The following SNTG2 variants were observed in gnomAD, a reference collection of about 807,000 sequenced individuals.
SNTG2 encodes the protein syntrophin gamma 2.
Under a neutral mutation model 70.9 loss-of-function variants are expected in SNTG2, and 74 were observed. That is an observed-to-expected ratio of 1.04 (90% CI 0.86 to 1.27). SNTG2 has a LOEUF of 1.27. Ranked by LOEUF, SNTG2 falls within the 50% of genes most tolerant of loss-of-function variation. The probability of loss-of-function intolerance (pLI) is 0.00; values close to 1 mark genes in which losing one functional copy is unlikely to be tolerated. For missense variants in SNTG2, 717 were observed against 690.7 expected, an observed-to-expected ratio of 1.04 and a Z score of -0.43; for synonymous variants, 278 against 273.8, an observed-to-expected ratio of 1.02 and a Z score of -0.15.
chr2:964,739 C>T lies in SNTG2; in HGVS notation c.72+13671C>T, dbSNP rs1248491533. On this transcript the variant is annotated intron_variant, in intron 1 of 16. Transcript: ENST00000308624. ...GAGGCTGTTCCTGAGAGGCTGAGCCCTGGGCACTCTGCCACAGCGGGTCCC... is the reference window on the plus strand; with the variant it reads ...GAGGCTGTTCCTGAGAGGCTGAGCCTTGGGCACTCTGCCACAGCGGGTCCC... Among the ~76,000 whole-genome samples the T allele has an allele frequency of 3.3e-5, 5 of 152,182 alleles. No homozygotes were observed. In the East Asian group the frequency reaches 7.7e-4, roughly 23 times the overall value.
chr2:1,098,311 A>C, intron 3 of SNTG2, 42 bp from the exon 4 acceptor site: 1 of 1,613,828 alleles, frequency 6.2e-7, no homozygotes, highest in Non-Finnish European at 8.5e-7. Context: ...TCCAGTGTGA[A>C]TCATGATAAC....
chr2:1,226,080 TG>T (rs1675757095), intron 9 of SNTG2, among the ~76,000 whole-genome samples: 1 of 152,138 alleles, frequency 6.6e-6, no homozygotes, highest in Admixed American at 6.5e-5. Context: ...CTTTCAAAAA[TG>T]CATTAAAGTT....
chr2:1,150,533 C>T (rs1343289936), intron 6 of SNTG2, among the ~76,000 whole-genome samples: 1 of 151,896 alleles, frequency 6.6e-6, no homozygotes, highest in Non-Finnish European at 1.5e-5. Context: ...GATGTATGGC[C>T]AGGAGGACAG....
intron 14 of SNTG2, among the ~76,000 whole-genome samples, chr2:1,301,177 T>G (rs1473690704): frequency 6.6e-6 from 1 of 152,068 alleles, no homozygotes; most frequent in Non-Finnish European, 1.5e-5. Context: ...CAAGGTGACA[T>G]GCATGGAGCT....
intron 7 of SNTG2, among the ~76,000 whole-genome samples, chr2:1,166,465 C>T (rs1670713332): frequency 6.6e-6 from 1 of 152,226 alleles, no homozygotes; most frequent in Non-Finnish European, 1.5e-5. Flanking sequence ...GACTGTTTTA[C>T]TTTCTCTCTC....
At chr2:1,004,602 G>T (rs141794816) in intron 1 of SNTG2, among the ~76,000 whole-genome samples, 1 of 152,154 alleles carries the variant, frequency 6.6e-6, no homozygotes, top group South Asian at 2.1e-4. Context: ...AATTACAGCC[G>T]CAATGAGACA....
At chr2:1,210,816 A>C (rs1673991203) in intron 9 of SNTG2, 1 of 152,192 alleles carries the variant, frequency 6.6e-6, no homozygotes, top group South Asian at 2.1e-4. Context: ...ATTGTGTTAC[A>C]GTTGTGTAAG....
intron 12 of SNTG2, among the ~76,000 whole-genome samples, chr2:1,253,558 C>T (rs1677882790): frequency 6.6e-6 from 1 of 152,112 alleles, no homozygotes; most frequent in South Asian, 2.1e-4. Flanking sequence ...ATCATGGCAA[C>T]TTAGGAAAAA....
intron 1 of SNTG2, among the ~76,000 whole-genome samples, chr2:964,337 T>C (rs1660456351): frequency 6.6e-6 from 1 of 152,202 alleles, no homozygotes; most frequent in South Asian, 2.1e-4. Flanking sequence ...TGTCCCATGG[T>C]GTCTCCGCCT....
At chr2:1,074,252 A>G (rs11127452) in intron 1 of SNTG2, among the ~76,000 whole-genome samples, 22,114 of 152,190 alleles carry the variant, frequency 0.15, 1,774 homozygotes, top group Middle Eastern at 0.21. Context: ...GCTCAGGGGT[A>G]GGAACACTGC....
At chr2:1,010,077 T>A (rs1381407811) in intron 1 of SNTG2, among the ~76,000 whole-genome samples, 3 of 152,132 alleles carry the variant, frequency 2.0e-5, no homozygotes, top group Non-Finnish European at 4.4e-5. Flanking sequence ...CAGAGGTGTC[T>A]GATAATGAGA....
chr2:1,262,639 C>T (rs1467578781), intron 13 of SNTG2, among the ~76,000 whole-genome samples: 1 of 152,054 alleles, frequency 6.6e-6, no homozygotes, highest in East Asian at 1.9e-4. Context: ...CCCAAAGGCT[C>T]AGTCCAGACG....
At chr2:1,174,231 A>G (rs1671321398) in intron 8 of SNTG2, among the ~76,000 whole-genome samples, 1 of 152,106 alleles carries the variant, frequency 6.6e-6, no homozygotes, top group South Asian at 2.1e-4. Context: ...CTGCCCAGAG[A>G]TATAAGGCAT....
chr2:1,298,601 C>T (rs1022492125), intron 14 of SNTG2, among the ~76,000 whole-genome samples: 2 of 152,292 alleles, frequency 1.3e-5, no homozygotes, highest in South Asian at 2.1e-4. Flanking sequence ...TTTCCACACC[C>T]GCCTTCCCTG....
intron 1 of SNTG2, among the ~76,000 whole-genome samples, chr2:958,727 G>T (rs1660251391): frequency 6.6e-6 from 1 of 151,914 alleles, no homozygotes; most frequent in Non-Finnish European, 1.5e-5. Flanking sequence ...AATCCAGAGA[G>T]ATATGAAAAA....
intron 7 of SNTG2, among the ~76,000 whole-genome samples, chr2:1,171,364 C>G (rs1175328704): frequency 6.6e-6 from 1 of 152,128 alleles, no homozygotes; most frequent in African/African-American, 2.4e-5. Flanking sequence ...TCATGTGTCT[C>G]CTTTGTCTAT....
intron 1 of SNTG2, among the ~76,000 whole-genome samples, chr2:1,070,357 G>A (rs780576812): frequency 9.2e-5 from 14 of 152,106 alleles, no homozygotes; most frequent in Admixed American, 2.0e-4. Flanking sequence ...CCCAAGCTGT[G>A]GAACTTCTCG....
chr2:1,208,529 C>A (rs536955299), intron 8 of SNTG2, among the ~76,000 whole-genome samples: 47 of 152,256 alleles, frequency 3.1e-4, no homozygotes, highest in African/African-American at 1.1e-3. Context: ...GGGGCTGCTG[C>A]GTGGTGCTGT....
chr2:1,186,804 A>G (rs1370385130), intron 8 of SNTG2, among the ~76,000 whole-genome samples: 2 of 152,326 alleles, frequency 1.3e-5, no homozygotes, highest in African/African-American at 4.8e-5. Context: ...GGAGACACAA[A>G]TCCAAACCAT....
Sources: gnomAD v4.1 joint callset for allele counts (sites outside exome capture counted in the v4.1 genomes callset) on GRCh38, gnomAD v4.1.1 for gene constraint, MANE v1.5 for transcripts, NCBI Gene and HGNC (gene_info 2026-07-23, HGNC 2026-07-21) for gene names.